The following PHRF1 variants were observed in gnomAD, a reference collection of about 807,000 sequenced individuals.
PHRF1 encodes PHD and RING finger domain-containing protein 1.
Under a neutral mutation model 128.9 loss-of-function variants are expected in PHRF1, and 53 were observed. The ratio of observed to expected loss-of-function variants is 0.41; its 90% CI spans 0.33 to 0.52. The LOEUF (loss-of-function observed/expected upper bound fraction) is 0.52. Among genes scored for constraint, PHRF1 ranks in the 20% least tolerant of loss-of-function variants. The probability of loss-of-function intolerance (pLI) is 0.21; values close to 1 mark genes in which losing one functional copy is unlikely to be tolerated. For missense variants in PHRF1, 2,503 were observed against 2,284.5 expected (o/e 1.10, Z -1.95); for synonymous variants, 1,178 against 980.6 (o/e 1.20, Z -3.76).
chr11:605,400 G>C (rs1855883808), intron 11 of PHRF1, 100 bp downstream of exon 11: 1 of 1,509,154 alleles, frequency 6.6e-7, no homozygotes, highest in Non-Finnish European at 9.0e-7. Context: ...TAGGTTTTGT[G>C]TTTGAGAGTG....
chr11:592,725 C>T, intron 6 of PHRF1, 51 bp downstream of exon 6: 1 of 1,581,968 alleles, frequency 6.3e-7, no homozygotes, highest in Non-Finnish European at 8.7e-7. Context: ...GCAAGGCGGG[C>T]CAGGCGCAGG....
rs757124843 is a variant in PHRF1, at chr11:605,132, C to T, written c.1166C>T (p.Thr389Ile). The T allele has an allele frequency of 3.7e-6, 6 of 1,610,008 alleles. No individual in the cohort carries two copies. The Admixed American group carries it at 8.3e-5, about 22-fold the overall frequency. The change falls in exon 11 of 18, where the codon ACT (threonine) becomes ATT (isoleucine). Residue 389 changes from threonine to isoleucine, a missense_variant. Physicochemically the swap from Thr to Ile is moderately conservative, Grantham distance 89. Transcript: ENST00000264555. The part of the protein sequence containing the change: ...RGKKVKSEAT[T>I]RSRIARTLGL... ...TACTGGATTCAGAGTGAAGCCACCA[C>T]TCGCTCTCGAATCGCGCGGACGCTG...
chr11:597,661 A>G lies in PHRF1; in HGVS notation c.894+91A>G. 4 of 1,461,818 alleles carry G rather than the reference A, an allele frequency of 2.7e-6. No individual in the cohort carries two copies. The highest frequency in any genetic ancestry group is 4.9e-4 in the Middle Eastern group (2 of 4,096). The allele number at this position is 1,461,818 out of a possible 1,614,324, so 90.6% of individuals were successfully genotyped here. On this transcript the variant is annotated intron_variant, in intron 8 of 17. Coordinates refer to ENST00000264555, the MANE Select transcript of PHRF1 (RefSeq NM_001286581.2). The surrounding 1 kb of genome is among the most constrained non-coding windows in gnomAD (Gnocchi z 6.5). ...GGTGGGTGGGAGGGGCGTCGTCGGC[A>G]CTGTGGGGTCCGCCCGGCCCCGGTG...
At chr11:581,935 C>T (rs777126273) in intron 2 of PHRF1, 27 bp from the exon 3 acceptor site, 23 of 1,562,058 alleles carry the variant, frequency 1.5e-5, no homozygotes, top group Admixed American at 6.0e-5. Context: ...CGCCGCCCTG[C>T]GGCCTGTGTC....
chr11:603,803 C>A (rs1371705429), intron 10 of PHRF1, among the ~76,000 whole-genome samples: 1 of 124,206 alleles, frequency 8.1e-6, no homozygotes, highest in Middle Eastern at 6.3e-3. Flanking sequence ...AGTATGATCT[C>A]AGCTCACTGC....
Position 582,070 on chromosome 11 carries a change from A to C in PHRF1, c.203A>C (p.Glu68Ala). The C allele has an allele frequency of 6.3e-7, 1 of 1,596,484 alleles. No individual in the cohort carries two copies. Among genetic ancestry groups the C allele is most frequent in the South Asian group, 1.1e-5 (1 of 87,788 alleles). ...DEGASEEEDLEDRSGSEDSED... is the reference protein window; with the variant it reads ...DEGASEEEDLADRSGSEDSED... ...GGGGCGTCTGAGGAGGAAGACCTGGAAGACAGATCTGGTGAGACAGCTGGT... is the reference window on the plus strand; with the variant it reads ...GGGGCGTCTGAGGAGGAAGACCTGGCAGACAGATCTGGTGAGACAGCTGGT... Residue 68 changes from glutamate to alanine, a missense_variant, in exon 3 of 18, where the codon GAA (glutamate) becomes GCA (alanine). Glu to Ala is a moderately radical substitution (Grantham distance 107). Coordinates refer to ENST00000264555, the MANE Select transcript of PHRF1 (RefSeq NM_001286581.2).
chr11:608,752 C>G lies in PHRF1; in HGVS notation c.3296C>G (p.Ser1099Cys). ...SRSRSGSPGSSSYEHYESRKK... is the reference protein window; with the variant it reads ...SRSRSGSPGSCSYEHYESRKK... ...TCGCGGTCGGGGAGCCCTGGCAGCT[C>G]TTCCTATGAGCACTATGAGAGTAGG... The change falls in exon 14 of 18, where the codon TCT becomes TGT. Residue 1099 changes from serine (S) to cysteine (C), a missense_variant. Physicochemically the swap from Ser to Cys is moderately radical, Grantham distance 112 (BLOSUM62 -1). Transcript: ENST00000264555. 1 of 1,611,814 alleles carries G rather than the reference C, an allele frequency of 6.2e-7. No individual in the cohort carries two copies. Among genetic ancestry groups the G allele is most frequent in the Non-Finnish European group, 8.5e-7 (1 of 1,179,612 alleles).
chr11:606,933 T>C (rs946079224), intron 13 of PHRF1, 133 bp from the exon 14 acceptor site: 49 of 1,392,046 alleles, frequency 3.5e-5, no homozygotes, highest in Non-Finnish European at 4.2e-5. Context: ...AAAGGCGAGG[T>C]GTCCACCTCA....
At chr11:585,952 C>T (rs1031574006) in intron 3 of PHRF1, among the ~76,000 whole-genome samples, 2 of 152,110 alleles carry the variant, frequency 1.3e-5, no homozygotes, top group Non-Finnish European at 2.9e-5. Context: ...ACCTCTGCTT[C>T]CCAGGTTCAA....
intron 14 of PHRF1, 64 bp downstream of exon 14, chr11:609,784 C>G: frequency 8.9e-7 from 1 of 1,119,212 alleles, no homozygotes; most frequent in Non-Finnish European, 1.2e-6. Flanking sequence ...TGGCCCCCGC[C>G]GAGGACAGAG....
At position 609,263 on chromosome 11, in the gene PHRF1, C is replaced by T. The variant is rs368743365; in HGVS notation, c.3807C>T (p.His1269=). 41 of 1,612,128 alleles carry T rather than the reference C, an allele frequency of 2.5e-5. No individual in the cohort carries two copies. Among genetic ancestry groups the T allele is most frequent in the Middle Eastern group, 1.6e-4 (1 of 6,062 alleles). The change falls in exon 14 of 18, where the codon CAC becomes CAT. Residue 1269 remains histidine (H), a synonymous_variant. Transcript: ENST00000264555. ...ATGGCGACTCCGTGGAGGCCGGACA[C>T]GTCTTTGATGATTTCTCAAGCGACG... The part of the protein sequence containing the change: ...LDYGDSVEAG[H]VFDDFSSDAV...
At position 605,627 on chromosome 11, in the gene PHRF1, C is replaced by G. The variant is rs375576584; in HGVS notation, c.1357C>G (p.Pro453Ala). 4.8e-5 allele frequency: 77 copies of G among 1,613,796 alleles called. No individual in the cohort carries two copies. The African/African-American group carries it at 5.2e-4, about 11-fold the overall frequency. ...FDSSEELSAN[P>A]LSPLSAKRRA... The stretch of plus-strand genomic sequence containing the variant: ...TAGCAGTGAAGAGCTTTCTGCAAAC[C>G]CTCTTTCCCCTCTGAGTGCCAAGAG... The change falls in exon 12 of 18, where the codon CCT becomes GCT. Residue 453 changes from proline (P) to alanine (A), a missense_variant. Pro to Ala is a conservative substitution (Grantham distance 27, BLOSUM62 -1). Coordinates refer to ENST00000264555, the MANE Select transcript of PHRF1 (RefSeq NM_001286581.2).
chr11:604,948 A>G (rs372624677), intron 10 of PHRF1, among the ~76,000 whole-genome samples, 171 bp from the exon 11 acceptor site: 5 of 152,276 alleles, frequency 3.3e-5, no homozygotes, highest in Admixed American at 6.5e-5. Context: ...TGTGTGCGGC[A>G]TTGTTCCTGC....
Position 597,003 on chromosome 11 carries a change from G to A in PHRF1, c.701G>A (p.Gly234Asp), listed in dbSNP as rs376681094. 2.5e-6 allele frequency: 4 copies of A among 1,613,754 alleles called. No individual in the cohort carries two copies. The East Asian group carries it at 6.7e-5, about 27-fold the overall frequency. The change falls in exon 7 of 18, where the codon GGT (glycine) becomes GAT (aspartate). Residue 234 changes from glycine (G) to aspartate (D), a missense_variant. Coordinates refer to ENST00000264555, the MANE Select transcript of PHRF1 (RefSeq NM_001286581.2). This position sits in a 1 kb window ranked among gnomAD's most constrained non-coding sequence, Gnocchi z 6.5. ...TTCTGCCCGGAATGTGCTGCGCCTG[G>A]TGTTGTCCTTGCCGCTGGTAAGGAC... ...EWFCPECAAP[G>D]VVLAADAGPV...
Position 607,855 on chromosome 11 carries a change from T to G in PHRF1, c.2399T>G (p.Phe800Cys). ...QLSSPGFCNT[F>C]RPVDDKEQRK... ...TCCAGCCCTGGCTTCTGTAACACGT[T>G]CCGGCCTGTGGACGATAAGGAGCAG... The change falls in exon 14 of 18, where the codon TTC becomes TGC. Residue 800 changes from phenylalanine to cysteine, a missense_variant. Transcript: ENST00000264555. 2 of 1,612,722 alleles carry G rather than the reference T, an allele frequency of 1.2e-6. No individual in the cohort carries two copies. The highest frequency in any genetic ancestry group is 1.7e-6 in the Non-Finnish European group (2 of 1,179,872).
In PHRF1 at chr11:597,864, G is replaced by A. The variant is rs1355901438; in HGVS notation, c.894+294G>A. Among the ~76,000 whole-genome samples the A allele has an allele frequency of 1.3e-5, 2 of 152,178 alleles. No individual in the cohort carries two copies. Among genetic ancestry groups the A allele is most frequent in the African/African-American group, 2.4e-5 (1 of 41,434 alleles). On this transcript the variant is annotated intron_variant, in intron 8 of 17. Transcript: ENST00000264555. This position sits in a 1 kb window ranked among gnomAD's most constrained non-coding sequence, Gnocchi z 6.5. The stretch of plus-strand genomic sequence containing the variant: ...CCCTTGTTCCCCAGGCCCCATGCCA[G>A]CACCGCTCCCTCTAGGCACCTGTGA...
At chr11:598,696 C>G (rs572163917) in intron 9 of PHRF1, among the ~76,000 whole-genome samples, 194 bp downstream of exon 9, 1 of 152,258 alleles carries the variant, frequency 6.6e-6, no homozygotes, top group Admixed American at 6.5e-5. Context: ...TCTGCGACCA[C>G]GCTGCCTCTG....
Position 596,993 on chromosome 11 carries a change from G to T in PHRF1, c.691G>T (p.Ala231Ser). 1.2e-6 allele frequency: 2 copies of T among 1,613,866 alleles called. No homozygotes were observed. The highest frequency in any genetic ancestry group is 1.3e-5 in the African/African-American group (1 of 75,032). Residue 231 changes from alanine (A) to serine (S), a missense_variant, in exon 7 of 18, where the codon GCT becomes TCT. Ala to Ser is a moderately conservative substitution (Grantham distance 99). Transcript: ENST00000264555. ...PVDEWFCPEC[A>S]APGVVLAADA... ...GGACGAGTGGTTCTGCCCGGAATGTGCTGCGCCTGGTGTTGTCCTTGCCGC... is the reference window on the plus strand; with the variant it reads ...GGACGAGTGGTTCTGCCCGGAATGTTCTGCGCCTGGTGTTGTCCTTGCCGC...
chr11:580,718 T>C (rs1320564385), intron 1 of PHRF1, among the ~76,000 whole-genome samples: 4 of 152,318 alleles, frequency 2.6e-5, no homozygotes, highest in African/African-American at 9.6e-5. Flanking sequence ...GATGGAGTTT[T>C]GCTCTTATTG....
Sources: allele counts gnomAD v4.1 joint callset (sites outside exome capture counted in the v4.1 genomes callset), GRCh38; gene constraint gnomAD v4.1.1; non-coding constraint Gnocchi (gnomAD v3.1); transcripts MANE v1.5; gene names NCBI Gene and HGNC (gene_info 2026-07-23, HGNC 2026-07-21).